Variants in TAFA1 observed in about 807,000 individuals in gnomAD.
TAFA1 encodes the protein TAFA chemokine like family member 1.
In TAFA1, 4 loss-of-function variants were observed where a neutral mutation model predicts 18.5. That is an observed-to-expected ratio of 0.22 (90% CI 0.11 to 0.49). TAFA1 has a LOEUF of 0.49. Ranked by LOEUF, TAFA1 falls within the 20% of genes least tolerant of loss-of-function variation. TAFA1 has a pLI of 0.98. For synonymous variants in TAFA1, 56 were observed against 55.2 expected, an observed-to-expected ratio of 1.01 and a Z score of -0.06; for missense variants, 147 against 169.0, an observed-to-expected ratio of 0.87 and a Z score of 0.72.
At chr3:68,364,069 GA>G (rs899695453) in intron 2 of TAFA1, among the ~76,000 whole-genome samples, 36 of 152,246 alleles carry the variant, frequency 2.4e-4, no homozygotes, top group African/African-American at 8.7e-4. Context: ...TTGTTCACAG[GA>G]AAAAAGCTGA....
At chr3:68,054,292 T>G (rs959052051) in intron 2 of TAFA1, among the ~76,000 whole-genome samples, 3 of 152,050 alleles carry the variant, frequency 2.0e-5, no homozygotes, top group Non-Finnish European at 4.4e-5. Flanking sequence ...GGGAGGGTAG[T>G]GAGTGAGTTC....
At chr3:68,207,967 G>A (rs118049548) in intron 2 of TAFA1, among the ~76,000 whole-genome samples, 3 of 151,884 alleles carry the variant, frequency 2.0e-5, no homozygotes, top group African/African-American at 7.2e-5. Context: ...TCTGCAGGTA[G>A]CAATGGAGTA....
At chr3:68,397,910 A>G (rs2070415440) in intron 2 of TAFA1, among the ~76,000 whole-genome samples, 2 of 152,126 alleles carry the variant, frequency 1.3e-5, no homozygotes, top group Admixed American at 6.6e-5. Context: ...TTTTGTTACA[A>G]TTGCTTTTGG....
chr3:68,298,147 G>A (rs1049415395), intron 2 of TAFA1, among the ~76,000 whole-genome samples: 2 of 152,154 alleles, frequency 1.3e-5, no homozygotes, highest in Non-Finnish European at 2.9e-5. Flanking sequence ...GTGAGCCTGT[G>A]CCCTCAGTCC....
At chr3:68,162,846 A>G (rs539136792) in intron 2 of TAFA1, among the ~76,000 whole-genome samples, 17 of 152,372 alleles carry the variant, frequency 1.1e-4, no homozygotes, top group African/African-American at 4.1e-4. Flanking sequence ...CTCTATGTCC[A>G]GACTCAGAAT....
intron 2 of TAFA1, among the ~76,000 whole-genome samples, chr3:68,338,900 G>C (rs1030369079): frequency 6.6e-6 from 1 of 152,138 alleles, no homozygotes; most frequent in African/African-American, 2.4e-5. Context: ...GCTGTAGATT[G>C]GATTCAAGTA....
At position 68,092,109 on chromosome 3, in the gene TAFA1, C is replaced by T. The variant is rs111309490; in HGVS notation, c.118+85365C>T. ...TAAGCCCTCTCTAATACCCAACTCA[C>T]CTCAGTCCCAATGGCATCAGCTCTC... On this transcript the variant is annotated intron_variant, in intron 2 of 4. Transcript: ENST00000478136. Among the ~76,000 whole-genome samples, 1,169 of 152,266 alleles carry T rather than the reference C, an allele frequency of 7.7e-3. 10 individuals carry two copies. Among genetic ancestry groups the T allele is most frequent in the African/African-American group, 0.025 (1,027 of 41,532 alleles).
intron 2 of TAFA1, among the ~76,000 whole-genome samples, chr3:68,248,630 G>C (rs1221096254): frequency 5.9e-5 from 9 of 151,448 alleles, no homozygotes; most frequent in Non-Finnish European, 1.2e-4. Context: ...ACCTGAATGT[G>C]TGTTCAGAGC....
At chr3:68,204,044 G>A (rs1249549217) in intron 2 of TAFA1, among the ~76,000 whole-genome samples, 1 of 146,280 alleles carries the variant, frequency 6.8e-6, no homozygotes, top group African/African-American at 2.6e-5. Flanking sequence ...TTACAGTAAA[G>A]GTTTTCCTAC....
chr3:68,219,289 T>C (rs1212985720), intron 2 of TAFA1, among the ~76,000 whole-genome samples: 2 of 152,188 alleles, frequency 1.3e-5, no homozygotes, highest in Non-Finnish European at 2.9e-5. Flanking sequence ...TGACAAAAAC[T>C]ATAACAAAAT....
At chr3:68,140,910 A>G (rs567038620) in intron 2 of TAFA1, among the ~76,000 whole-genome samples, 2 of 152,288 alleles carry the variant, frequency 1.3e-5, no homozygotes, top group African/African-American at 4.8e-5. Context: ...ACAACTAGGA[A>G]TCCCAGGTGC....
At chr3:68,502,746 G>A (rs1466573711) in intron 3 of TAFA1, among the ~76,000 whole-genome samples, 2 of 151,954 alleles carry the variant, frequency 1.3e-5, no homozygotes, top group African/African-American at 4.8e-5. Context: ...GACACAATAT[G>A]CAAAGAGCTA....
intron 2 of TAFA1, among the ~76,000 whole-genome samples, chr3:68,266,457 C>T (rs908428758): frequency 8.5e-5 from 13 of 152,246 alleles, no homozygotes; most frequent in African/African-American, 2.9e-4. Context: ...ACTACCATCC[C>T]GCATGATACT....
chr3:68,254,690 T>A (rs1384335851), intron 2 of TAFA1, among the ~76,000 whole-genome samples: 1 of 152,160 alleles, frequency 6.6e-6, no homozygotes, highest in South Asian at 2.1e-4. Flanking sequence ...ATATTACAGA[T>A]GATCCCAGGA....
chr3:68,352,796 C>T (rs933552786), intron 2 of TAFA1, among the ~76,000 whole-genome samples: 1 of 151,952 alleles, frequency 6.6e-6, no homozygotes, highest in Non-Finnish European at 1.5e-5. Flanking sequence ...GGCCTGGGGA[C>T]ACTGGTGATT....
chr3:68,189,588 A>G (rs1487761687), intron 2 of TAFA1, among the ~76,000 whole-genome samples: 1 of 151,808 alleles, frequency 6.6e-6, no homozygotes, highest in East Asian at 2.0e-4. Context: ...CCCTGGGCCA[A>G]TGACTGGTAC....
the TAFA1 span, among the ~76,000 whole-genome samples, chr3:67,996,750 G>A: frequency 6.6e-6 from 1 of 151,660 alleles, no homozygotes. Context: ...AGTGAGCCGA[G>A]GTCACTGTAC....
At chr3:68,511,879 A>C (rs1010112463) in intron 3 of TAFA1, among the ~76,000 whole-genome samples, 6 of 152,116 alleles carry the variant, frequency 3.9e-5, no homozygotes, top group African/African-American at 1.4e-4. Context: ...ATTGTTCTGC[A>C]TAGTATAAAT....
At chr3:68,142,342 C>A (rs554844135) in intron 2 of TAFA1, among the ~76,000 whole-genome samples, 1 of 152,134 alleles carries the variant, frequency 6.6e-6, no homozygotes, top group Non-Finnish European at 1.5e-5. Flanking sequence ...CAAAACCATG[C>A]GTCTTATTTG....
Sources: allele counts gnomAD v4.1 joint callset (sites outside exome capture counted in the v4.1 genomes callset), GRCh38; gene constraint gnomAD v4.1.1; transcripts MANE v1.5; gene names NCBI Gene and HGNC (gene_info 2026-07-23, HGNC 2026-07-21).